PLEKHD1: variants seen among roughly 807,000 people sequenced by gnomAD.
PLEKHD1 encodes pleckstrin homology and coiled-coil domain containing D1.
In PLEKHD1, 51 loss-of-function variants were observed where a neutral mutation model predicts 69.2. The observed-to-expected ratio is 0.74, with a 90% CI of 0.59 to 0.93. PLEKHD1 has a LOEUF of 0.93. Ranked by LOEUF, PLEKHD1 falls within the 40% of genes least tolerant of loss-of-function variation. PLEKHD1 has a pLI of 0.00. For synonymous variants in PLEKHD1, 236 were observed against 244.7 expected (o/e 0.96, Z 0.33); for missense variants, 584 against 641.0 (o/e 0.91, Z 0.96).
intron 6 of PLEKHD1, 47 bp downstream of exon 6, chr14:69,502,926 A>C: frequency 2.1e-4 from 319 of 1,541,824 alleles, no homozygotes; most frequent in Middle Eastern, 3.3e-4. Flanking sequence ...GTAATGGCTC[A>C]CGTTTCTAGC....
Position 69,524,236 on chromosome 14 carries a change from G to C in PLEKHD1, c.658G>C (p.Glu220Gln). Residue 220 changes from glutamate (E) to glutamine (Q), a missense_variant, in exon 8 of 13, where the codon GAA becomes CAA. Coordinates refer to ENST00000322564, the MANE Select transcript of PLEKHD1 (RefSeq NM_001161498.2). ...AGCCCTCTGTCTCCACAGGGAGCTG[G>C]AACTGACTGCAAGATGCCTTAAGGG... Reference protein sequence around the residue: ...MEQEQIKRELELTARCLKGVE... With the variant: ...MEQEQIKRELQLTARCLKGVE... The C allele has an allele frequency of 6.4e-7, 1 of 1,551,500 alleles. No individual in the cohort carries two copies. Among genetic ancestry groups the C allele is most frequent in the Non-Finnish European group, 8.7e-7 (1 of 1,146,834 alleles).
At chr14:69,510,359 C>A (rs544077376) in intron 6 of PLEKHD1, among the ~76,000 whole-genome samples, 1 of 152,078 alleles carries the variant, frequency 6.6e-6, no homozygotes, top group Admixed American at 6.6e-5. Context: ...TCTTTGATAT[C>A]TTTTATTACA....
chr14:69,501,870 C>T (rs1345469304), intron 5 of PLEKHD1, 45 bp downstream of exon 5: 8 of 1,467,640 alleles, frequency 5.5e-6, no homozygotes, highest in Non-Finnish European at 6.5e-6. Flanking sequence ...CACTTGGGGA[C>T]CAGGGGCTAT....
chr14:69,473,583 C>A, the PLEKHD1 span, among the ~76,000 whole-genome samples: 19,700 of 152,188 alleles, frequency 0.13, 1,386 homozygotes, highest in East Asian at 0.18. Flanking sequence ...TCAGAAAACC[C>A]GGATCCTATT....
intron 8 of PLEKHD1, 78 bp downstream of exon 8, chr14:69,524,400 G>C (rs1367196285): frequency 5.5e-6 from 7 of 1,263,896 alleles, no homozygotes; most frequent in Non-Finnish European, 7.9e-6. Flanking sequence ...TTTTCCAGCA[G>C]TGTTTCCCCA....
rs117592499 is a variant in PLEKHD1, at chr14:69,520,229, G to A, written c.556-2054G>A. On this transcript the variant is annotated intron_variant, in intron 6 of 12. Transcript: ENST00000322564. ...GCACCTTTGTTATTTTCCAGTGTAA[G>A]CCCAGGGATGCTTACAGCTTGTAAT... 2.9e-3 allele frequency among the ~76,000 whole-genome samples: 390 copies of A among 135,612 alleles called. 2 individuals carry two copies. The highest frequency in any genetic ancestry group is 4.8e-3 in the Non-Finnish European group (305 of 64,038). The allele number at this position is 135,612 out of a possible 152,430, so 89.0% of individuals were successfully genotyped here. A position where few individuals can be genotyped will look rare whatever the true frequency, so the allele number is the denominator to read the frequency against.
At chr14:69,487,663 A>G (rs2139491225) in intron 1 of PLEKHD1, among the ~76,000 whole-genome samples, 1 of 152,324 alleles carries the variant, frequency 6.6e-6, no homozygotes, top group South Asian at 2.1e-4. Context: ...TGAAGGGTCA[A>G]CTTATTTCCT....
At chr14:69,519,888 A>C (rs1303006807) in intron 6 of PLEKHD1, among the ~76,000 whole-genome samples, 2 of 152,064 alleles carry the variant, frequency 1.3e-5, no homozygotes, top group East Asian at 3.9e-4. Context: ...CTGGCCGCGC[A>C]CGGTGGCTCA....
upstream of PLEKHD1, chr14:69,484,704 C>T (rs903808280): frequency 2.5e-6 from 1 of 401,154 alleles, no homozygotes; most frequent in Admixed American, 4.4e-5. Flanking sequence ...TGCTGCCGGC[C>T]CGAGGCTGAG....
At chr14:69,487,407 C>G (rs910397442) in intron 1 of PLEKHD1, among the ~76,000 whole-genome samples, 1 of 152,360 alleles carries the variant, frequency 6.6e-6, no homozygotes, top group African/African-American at 2.4e-5. Context: ...GGGGACAGAG[C>G]AGCTGAGGGC....
At chr14:69,518,991 G>A (rs755220372) in intron 6 of PLEKHD1, among the ~76,000 whole-genome samples, 1 of 152,074 alleles carries the variant, frequency 6.6e-6, no homozygotes, top group Non-Finnish European at 1.5e-5. Context: ...CCTAGCTGAG[G>A]AGAGGGGCTT....
chr14:69,479,856 C>A (rs1157257923), upstream of PLEKHD1, among the ~76,000 whole-genome samples: 1 of 152,212 alleles, frequency 6.6e-6, no homozygotes, highest in South Asian at 2.1e-4. Flanking sequence ...TCCCAACCCC[C>A]CCGCCACACA....
chr14:69,503,610 G>C (rs1401541798), intron 6 of PLEKHD1: 1 of 147,724 alleles, frequency 6.8e-6, no homozygotes, highest in African/African-American at 2.5e-5. Flanking sequence ...AGAATGGCGT[G>C]AACCCGGGAG....
Position 69,526,058 on chromosome 14 carries a change from A to G in PLEKHD1, c.859A>G (p.Asn287Asp). 6.4e-7 allele frequency: 1 copy of G among 1,551,656 alleles called. No homozygotes were observed. The highest frequency in any genetic ancestry group is 8.7e-7 in the Non-Finnish European group (1 of 1,146,974). ...CCCTCCCAGTGGGGGCCTCCATAGC[A>G]ACCTCCGGCAGATCGAGGAGAAGAT... is the stretch of plus-strand genomic sequence containing the variant. ...QPPPSGGLHS[N>D]LRQIEEKMQQ... The change falls in exon 9 of 13, where the codon AAC becomes GAC. Residue 287 changes from asparagine (N) to aspartate (D), a missense_variant. By Grantham distance (23) the Asn-to-Asp change is conservative. Transcript: ENST00000322564.
chr14:69,485,234 C>A, intron 1 of PLEKHD1, 120 bp downstream of exon 1: 1 of 1,171,444 alleles, frequency 8.5e-7, no homozygotes, highest in Non-Finnish European at 1.2e-6. Context: ...TGGCGTCACC[C>A]CTTTTCACTC....
At chr14:69,499,637 G>A (rs530193585) in intron 1 of PLEKHD1, among the ~76,000 whole-genome samples, 6 of 152,338 alleles carry the variant, frequency 3.9e-5, no homozygotes, top group Admixed American at 2.6e-4. Flanking sequence ...TGAGACAAAC[G>A]GAATGCCAAT....
At chr14:69,524,354 G>T in intron 8 of PLEKHD1, 32 bp downstream of exon 8, 1 of 1,524,618 alleles carries the variant, frequency 6.6e-7, no homozygotes, top group Non-Finnish European at 8.9e-7. Flanking sequence ...AGTTGACCAG[G>T]TGGCAGGCTG....
At position 69,528,680 on chromosome 14, in the gene PLEKHD1, G is replaced by C; in HGVS notation, c.*261G>C. The C allele has an allele frequency of 1.9e-6, 1 of 528,114 alleles. No individual in the cohort carries two copies. Among genetic ancestry groups the C allele is most frequent in the Non-Finnish European group, 3.4e-6 (1 of 294,742 alleles). The allele number at this position is 528,114 out of a possible 1,614,324, so 32.7% of individuals were successfully genotyped here. ...AGCTGGGTGCTGGTTGTCATGGTGA[G>C]GTGAGGACAGGACCTGGTTGTATGT... On this transcript the variant is annotated 3_prime_UTR_variant, in exon 13 of 13. Transcript: ENST00000322564.
At chr14:69,483,934 C>A (rs1441994261), upstream of PLEKHD1, among the ~76,000 whole-genome samples, 1 of 152,246 alleles carries the variant, frequency 6.6e-6, no homozygotes, top group African/African-American at 2.4e-5. Context: ...CCGAAAGGAG[C>A]GGAAGCGGAT....
Sources: allele counts gnomAD v4.1 joint callset (sites outside exome capture counted in the v4.1 genomes callset), GRCh38; gene constraint gnomAD v4.1.1; transcripts MANE v1.5; gene names NCBI Gene and HGNC (gene_info 2026-07-23, HGNC 2026-07-21).